Variants in DNHD1 observed in about 807,000 individuals in gnomAD.
The protein encoded by DNHD1 is dynein heavy chain domain 1.
A neutral mutation model predicts 458.1 loss-of-function variants in DNHD1; 383 were observed. That is an observed-to-expected ratio of 0.84 (90% CI 0.77 to 0.91). The LOEUF is 0.91. Among genes scored for constraint, DNHD1 ranks in the 40% least tolerant of loss-of-function variants. DNHD1 has a pLI of 0.00. For synonymous variants in DNHD1, 2,203 were observed against 2,376.9 expected, an observed-to-expected ratio of 0.93 and a Z score of 2.13; for missense variants, 5,336 against 5,866.1, an observed-to-expected ratio of 0.91 and a Z score of 2.95.
In DNHD1 at chr11:6,547,848, T is replaced by A. The variant is rs1259786539; in HGVS notation, c.6728-15T>A. ...TCTACTGGGGCTCCTCTCGTGGCCA[T>A]GGCAACTTTCACAGAGGACCTCAGC... On this transcript the variant is annotated splice_polypyrimidine_tract_variant and intron_variant, in intron 21 of 42. Coordinates refer to ENST00000254579, the MANE Select transcript of DNHD1 (RefSeq NM_144666.3). 1.3e-6 allele frequency: 2 copies of A among 1,551,430 alleles called. No homozygotes were observed. The highest frequency in any genetic ancestry group is 3.9e-5 in the Admixed American group (2 of 51,002).
At position 6,539,978 on chromosome 11, in the gene DNHD1, C is replaced by T. The variant is rs1299167665; in HGVS notation, c.3523C>T (p.His1175Tyr). Residue 1175 changes from histidine (H) to tyrosine (Y), a missense_variant, in exon 18 of 43, where the codon CAT becomes TAT. Coordinates refer to ENST00000254579, the MANE Select transcript of DNHD1 (RefSeq NM_144666.3). ...RQLRLLNFIL[H>Y]VPYEPPASER... ...GCTGCGCCTGCTCAACTTCATCCTG[C>T]ATGTACCCTACGAGCCCCCAGCCTC... The T allele has an allele frequency of 3.2e-6, 5 of 1,551,596 alleles. No homozygotes were observed. Among genetic ancestry groups the T allele is most frequent in the African/African-American group, 1.4e-5 (1 of 73,080 alleles).
Position 6,520,117 on chromosome 11 carries a change from G to A in DNHD1, c.1785+15G>A. 1.9e-6 allele frequency: 3 copies of A among 1,614,174 alleles called. No homozygotes were observed. The highest frequency in any genetic ancestry group is 1.7e-6 in the Non-Finnish European group (2 of 1,180,036). ...CTGCCTTGCAGGTATTCTGAATTGG[G>A]CAGAGAGCTGGCTGTGGGAATTCCC... is the stretch of plus-strand genomic sequence containing the variant. On this transcript the variant is annotated intron_variant, in intron 9 of 42. Transcript: ENST00000254579.
Position 6,570,245 on chromosome 11 carries a change from A to G in DNHD1, c.12956-2A>G. The G allele has an allele frequency of 6.2e-7, 1 of 1,613,640 alleles. No individual in the cohort carries two copies. Among genetic ancestry groups the G allele is most frequent in the East Asian group, 2.2e-5 (1 of 44,860 alleles). On this transcript the variant is annotated splice_acceptor_variant, in intron 40 of 42. Transcript: ENST00000254579. LOFTEE classifies it high-confidence loss of function. ...ACTGAGAGACTCTAACCTCATCTTC[A>G]GCTTCAGTTTTCTACGGGGGTCCTC...
rs1292483371 is a variant in DNHD1 at position 6,559,262 on chromosome 11, G to A, written c.9498G>A (p.Gln3166=). Residue 3166 remains glutamine, a synonymous_variant, in exon 28 of 43, where the codon CAG becomes CAA. Coordinates refer to ENST00000254579, the MANE Select transcript of DNHD1 (RefSeq NM_144666.3). ...THANLIFDLE[Q]QLKDSGKSLS... is the part of the protein sequence containing the mutation. ...CCAATCTGATCTTTGACTTGGAACA[G>A]CAGCTGAAAGACTCCGGCAAGGTAA... The A allele has an allele frequency of 6.4e-7, 1 of 1,551,682 alleles. No individual in the cohort carries two copies. Among genetic ancestry groups the A allele is most frequent in the East Asian group, 2.4e-5 (1 of 40,926 alleles).
intron 18 of DNHD1, among the ~76,000 whole-genome samples, chr11:6,540,504 C>G (rs146085033): frequency 6.6e-6 from 1 of 152,336 alleles, no homozygotes; most frequent in Non-Finnish European, 1.5e-5. Flanking sequence ...GACCTTGAGA[C>G]TTACAGACAG....
Position 6,564,368 on chromosome 11 carries a change from T to C in DNHD1, c.10320T>C (p.Asp3440=). ...GACGCTGCATGACTGTGTTTGGAGA[T>C]ACCCTCCTATGTTCAGCTGCCATCA... ...LKGRCMTVFG[D]TLLCSAAIIY... is the part of the protein sequence containing the mutation. Residue 3440 remains aspartate (D), a synonymous_variant, in exon 32 of 43, where the codon GAT becomes GAC. Coordinates refer to ENST00000254579, the MANE Select transcript of DNHD1 (RefSeq NM_144666.3). 6.5e-7 allele frequency: 1 copy of C among 1,549,194 alleles called. No individual in the cohort carries two copies. The highest frequency in any genetic ancestry group is 8.7e-7 in the Non-Finnish European group (1 of 1,145,110).
intron 24 of DNHD1, among the ~76,000 whole-genome samples, chr11:6,550,866 G>GA (rs1186510014): frequency 6.6e-6 from 1 of 151,850 alleles, no homozygotes; most frequent in Non-Finnish European, 1.5e-5. Flanking sequence ...TAAGTATAGG[G>GA]AAAAAAAGCC....
In DNHD1 at chr11:6,544,179, G is replaced by T; in HGVS notation, c.3687G>T (p.Leu1229Phe). 6.4e-7 allele frequency: 1 copy of T among 1,551,576 alleles called. No homozygotes were observed. Among genetic ancestry groups the T allele is most frequent in the Admixed American group, 2.0e-5 (1 of 50,998 alleles). Residue 1229 changes from leucine to phenylalanine, a missense_variant, in exon 19 of 43, where the codon TTG becomes TTT. Physicochemically the swap from Leu to Phe is conservative, Grantham distance 22. Around this residue, in one of 4 missense-constraint regions of DNHD1, gnomAD observed 3,932 missense variants for 4,365.6 expected, o/e 0.90. Coordinates refer to ENST00000254579, the MANE Select transcript of DNHD1 (RefSeq NM_144666.3). ...QESLQVLSKI[L>F]AIEKSGDLNK... ...GTCTTCAGGTGTTGTCCAAGATCTT[G>T]GCCATCGAAAAGTCAGGAGATTTAA...
At position 6,570,759 on chromosome 11, in the gene DNHD1, C is replaced by T. The variant is rs1853827094; in HGVS notation, c.13247C>T (p.Ala4416Val). ...CGCCAGAGTCGCGCTCTCTTGAGTG[C>T]GCTGCAGCGGAGTTCACCCGTGTGG... ...LRRQSRALLS[A>V]LQRSSPVWVP... is the part of the protein sequence containing the mutation. The change falls in exon 42 of 43, where the codon GCG (alanine) becomes GTG (valine). Residue 4416 changes from alanine to valine, a missense_variant. By Grantham distance (64) the Ala-to-Val change is moderately conservative. Around this residue, in one of 4 missense-constraint regions of DNHD1, gnomAD observed 698 missense variants for 664.9 expected, o/e 1.05. Coordinates refer to ENST00000254579, the MANE Select transcript of DNHD1 (RefSeq NM_144666.3). 3.1e-6 allele frequency: 5 copies of T among 1,612,120 alleles called. No homozygotes were observed. The highest frequency in any genetic ancestry group is 4.2e-6 in the Non-Finnish European group (5 of 1,179,092).
chr11:6,560,433 A>G (rs1264092380), intron 28 of DNHD1, among the ~76,000 whole-genome samples: 1 of 152,200 alleles, frequency 6.6e-6, no homozygotes, highest in African/African-American at 2.4e-5. Context: ...ACCTAGGATG[A>G]ACAGCTTAGA....
chr11:6,546,714 G>A lies in DNHD1; in HGVS notation c.5775G>A (p.Leu1925=). The change falls in exon 21 of 43, where the codon CTG becomes CTA. Residue 1925 remains leucine, a synonymous_variant. Transcript: ENST00000254579. ...TTAGCATTCTCAATGGGCTCCACCT[G>A]CACAACCTCCGAGGGCTGTTGTGTG... ...PLFSILNGLH[L]HNLRGLLCAL... 1 of 1,551,618 alleles carries A rather than the reference G, an allele frequency of 6.4e-7. No individual in the cohort carries two copies. Among genetic ancestry groups the A allele is most frequent in the Non-Finnish European group, 8.7e-7 (1 of 1,146,958 alleles).
At chr11:6,542,569 T>C (rs1853117560) in intron 18 of DNHD1, among the ~76,000 whole-genome samples, 1 of 152,228 alleles carries the variant, frequency 6.6e-6, no homozygotes, top group African/African-American at 2.4e-5. Context: ...CCTTTCTCTG[T>C]ACCAGGCTTT....
At position 6,556,886 on chromosome 11, in the gene DNHD1, A is replaced by T; in HGVS notation, c.7591A>T (p.Thr2531Ser). The stretch of plus-strand genomic sequence containing the variant: ...CACAGTCCTGGCCCTGGAAAGCATG[A>T]CCCAGGCCACCCTGCTGGAAAGACA... ...LFTVLALESM[T>S]QATLLERHVP... Residue 2531 changes from threonine (T) to serine (S), a missense_variant, in exon 25 of 43, where the codon ACC becomes TCC. Thr to Ser is a moderately conservative substitution (Grantham distance 58, BLOSUM62 1). Around this residue, in one of 4 missense-constraint regions of DNHD1, gnomAD observed 3,932 missense variants for 4,365.6 expected, o/e 0.90. Transcript: ENST00000254579. The T allele has an allele frequency of 6.4e-7, 1 of 1,551,608 alleles. No individual in the cohort carries two copies. Among genetic ancestry groups the T allele is most frequent in the East Asian group, 2.4e-5 (1 of 40,914 alleles).
At position 6,557,125 on chromosome 11, in the gene DNHD1, C is replaced by T. The variant is rs1183206515; in HGVS notation, c.7830C>T (p.Ser2610=). The change falls in exon 25 of 43, where the codon TCC becomes TCT. Residue 2610 remains serine (S), a synonymous_variant. Coordinates refer to ENST00000254579, the MANE Select transcript of DNHD1 (RefSeq NM_144666.3). ...SLQLLPNRTG[S]RGFVDYPNHQ... ...AGCTGCTGCCCAACAGAACAGGCTC[C>T]CGAGGTTTTGTGGACTATCCCAACC... 1 of 1,551,594 alleles carries T rather than the reference C, an allele frequency of 6.4e-7. No individual in the cohort carries two copies. Among genetic ancestry groups the T allele is most frequent in the African/African-American group, 1.4e-5 (1 of 73,038 alleles).
At chr11:6,504,609 C>G (rs148717470) in intron 4 of DNHD1, among the ~76,000 whole-genome samples, 91 of 152,288 alleles carry the variant, frequency 6.0e-4, no homozygotes, top group African/African-American at 2.1e-3. Flanking sequence ...GTCACCACAC[C>G]TGGCTAATTT....
intron 28 of DNHD1, among the ~76,000 whole-genome samples, chr11:6,561,037 G>C (rs11040922): frequency 0.066 from 10,082 of 152,128 alleles, 743 homozygotes; most frequent in African/African-American, 0.18. Flanking sequence ...AGGTTAGGGA[G>C]ACTTCCCTAA....
In DNHD1 at chr11:6,557,869, G is replaced by C; in HGVS notation, c.8574G>C (p.Leu2858Phe). 1 of 1,551,124 alleles carries C rather than the reference G, an allele frequency of 6.4e-7. No homozygotes were observed. Among genetic ancestry groups the C allele is most frequent in the East Asian group, 2.4e-5 (1 of 40,906 alleles). The change falls in exon 25 of 43, where the codon TTG becomes TTC. Residue 2858 changes from leucine to phenylalanine, a missense_variant. By Grantham distance (22) the Leu-to-Phe change is conservative. Coordinates refer to ENST00000254579, the MANE Select transcript of DNHD1 (RefSeq NM_144666.3). ...CCACCTCAGCTGCTCAACTGAAGTT[G>C]AGCCCCCACCTGGCCCGGTGTCATT... ...QLATSAAQLKLSPHLARCHSM... is the reference protein window; with the variant it reads ...QLATSAAQLKFSPHLARCHSM...
chr11:6,566,621 G>T lies in DNHD1; in HGVS notation c.11241G>T (p.Val3747=). The change falls in exon 35 of 43, where the codon GTG becomes GTT. Residue 3747 remains valine, a synonymous_variant. Coordinates refer to ENST00000254579, the MANE Select transcript of DNHD1 (RefSeq NM_144666.3). Reference sequence around the variant, plus strand: ...GTGAACTGCTAAAGGGGCTGAATGTGTTGGATCTGGGCCTGAACATGGAAA... The same window carrying T: ...GTGAACTGCTAAAGGGGCTGAATGTTTTGGATCTGGGCCTGAACATGGAAA... The part of the protein sequence containing the change: ...LGCELLKGLN[V]LDLGLNMEIL... The T allele has an allele frequency of 1.2e-6, 2 of 1,613,892 alleles. No individual in the cohort carries two copies. Among genetic ancestry groups the T allele is most frequent in the Non-Finnish European group, 1.7e-6 (2 of 1,179,856 alleles).
Position 6,537,804 on chromosome 11 carries a change from G to A in DNHD1, c.2999-579G>A, listed in dbSNP as rs957455356. ...AAATTAGCCTGACATGGTGGTGTGCGCCTGTATTCCCAGCTACTTGGGAGG... is the reference window on the plus strand; with the variant it reads ...AAATTAGCCTGACATGGTGGTGTGCACCTGTATTCCCAGCTACTTGGGAGG... On this transcript the variant is annotated intron_variant, in intron 14 of 42. Coordinates refer to ENST00000254579, the MANE Select transcript of DNHD1 (RefSeq NM_144666.3). Among the ~76,000 whole-genome samples the A allele has an allele frequency of 4.6e-5, 7 of 152,232 alleles. No homozygotes were observed. In the East Asian group the frequency reaches 7.7e-4, roughly 17 times the overall value.
Sources: allele counts gnomAD v4.1 joint callset (sites outside exome capture counted in the v4.1 genomes callset), GRCh38; gene constraint gnomAD v4.1.1; regional missense constraint gnomAD v4.1.1; transcripts MANE v1.5; gene names NCBI Gene and HGNC (gene_info 2026-07-23, HGNC 2026-07-21).